MAGED1: variants seen among roughly 807,000 people sequenced by gnomAD.
MAGED1 encodes MAGE family member D1.
MAGED1 carries 3 observed loss-of-function variants against 54.1 expected under a neutral mutation model. The ratio of observed to expected loss-of-function variants is 0.06; its 90% CI spans 0.03 to 0.14. The LOEUF is 0.14. Ranked by LOEUF, MAGED1 falls within the 10% of genes least tolerant of loss-of-function variation. MAGED1 has a pLI of 1.00. For missense variants in MAGED1, 485 were observed against 623.4 expected, an observed-to-expected ratio of 0.78 and a Z score of 2.36; for synonymous variants, 217 against 227.3, an observed-to-expected ratio of 0.95 and a Z score of 0.41.
intron 1 of MAGED1, among the ~76,000 whole-genome samples, chrX:51,873,536 A>T (rs12851192): frequency 5.9e-4 from 49 of 83,735 alleles, no homozygotes; most frequent in South Asian, 1.1e-3. Context: ...TGTGTGTGTG[A>T]GAGAGAGAGA....
At chrX:51,844,986 C>T (rs1020004449) in intron 1 of MAGED1, among the ~76,000 whole-genome samples, 9 of 111,410 alleles carry the variant, frequency 8.1e-5, no homozygotes, top group Non-Finnish European at 1.5e-4. Context: ...GTAATCCCAG[C>T]GCTTTGGGAG....
intron 1 of MAGED1, among the ~76,000 whole-genome samples, chrX:51,854,877 A>T (rs1557360066): frequency 1.8e-5 from 2 of 110,970 alleles, no homozygotes; most frequent in Non-Finnish European, 3.8e-5. Flanking sequence ...TCTCCTGAAG[A>T]TCTCTTACCG....
chrX:51,898,725 G>A, intron 10 of MAGED1, 82 bp downstream of exon 10: 1 of 895,802 alleles, frequency 1.1e-6, no homozygotes, highest in Non-Finnish European at 1.5e-6. Context: ...CTTCCTGGCT[G>A]GATACAATGG....
intron 1 of MAGED1, among the ~76,000 whole-genome samples, chrX:51,805,809 G>GTCCATCCA (rs1399476104): frequency 7.0e-4 from 76 of 108,405 alleles, no homozygotes; most frequent in African/African-American, 2.5e-3. Context: ...CCGTCCATCC[G>GTCCATCCA]TCCATCCATC....
upstream of MAGED1, among the ~76,000 whole-genome samples, chrX:51,890,751 A>T (rs933926556): frequency 9.1e-6 from 1 of 109,705 alleles, no homozygotes; most frequent in African/African-American, 3.3e-5. Flanking sequence ...ATTAATGTAT[A>T]AAAATGTGTT....
chrX:51,807,352 C>G (rs1925069215), intron 1 of MAGED1, among the ~76,000 whole-genome samples: 1 of 111,193 alleles, frequency 9.0e-6, no homozygotes, highest in Admixed American at 9.6e-5. Context: ...AATGCTTTGT[C>G]AGATATATGT....
chrX:51,841,624 G>T (rs1303506790), intron 1 of MAGED1, among the ~76,000 whole-genome samples: 7 of 106,908 alleles, frequency 6.5e-5, no homozygotes, highest in Admixed American at 1.0e-4. Context: ...AAGGTGTAAG[G>T]AAGGGATCCA....
intron 1 of MAGED1, among the ~76,000 whole-genome samples, chrX:51,818,927 A>T (rs1324444759): frequency 8.9e-6 from 1 of 112,333 alleles, no homozygotes; most frequent in Non-Finnish European, 1.9e-5. Context: ...ATTGATAGTG[A>T]TGAAGGCACT....
chrX:51,854,427 G>A (rs782458867), intron 1 of MAGED1, among the ~76,000 whole-genome samples: 14 of 111,833 alleles, frequency 1.3e-4, no homozygotes, highest in Non-Finnish European at 2.1e-4. Context: ...AGGGGTTAGA[G>A]AACTTACAGT....
chrX:51,874,736 A>T (rs782430954), intron 1 of MAGED1, among the ~76,000 whole-genome samples: 1 of 110,933 alleles, frequency 9.0e-6, no homozygotes, highest in African/African-American at 3.3e-5. Flanking sequence ...TAATTATAAC[A>T]TCTATTAAAT....
At position 51,897,734 on chromosome X, in the gene MAGED1, T is replaced by G. The variant is rs1037631006; in HGVS notation, c.1567-61T>G. The G allele has an allele frequency of 1.1e-4, 114 of 1,051,431 alleles. No individual in the cohort carries two copies. The African/African-American group carries it at 1.8e-3, about 17-fold the overall frequency. The allele number at this position is 1,051,431 out of a possible 1,213,427, so 86.6% of individuals were successfully genotyped here. A position where few individuals can be genotyped will look rare whatever the true frequency, so the allele number is the denominator to read the frequency against. On this transcript the variant is annotated intron_variant, in intron 6 of 12. Transcript: ENST00000326587. ...GGCAAGTCTCAGGGAGATGAGTGTC[T>G]GCCTATGGGTAGCTTATGCTAGATG... is the stretch of plus-strand genomic sequence containing the variant.
Position 51,896,613 on chromosome X carries a change from C to G in MAGED1, c.958C>G (p.Arg320Gly). The change falls in exon 4 of 13, where the codon CGT (arginine) becomes GGT (glycine). Residue 320 changes from arginine (R) to glycine (G), a missense_variant. Around this residue, in one of 2 missense-constraint regions of MAGED1, gnomAD observed 299 missense variants for 293.1 expected, o/e 1.02. Coordinates refer to ENST00000326587, the MANE Select transcript of MAGED1 (RefSeq NM_006986.4). Reference protein sequence around the residue: ...NQTARQTPPARQSPPARQTPP... With the variant: ...NQTARQTPPAGQSPPARQTPP... ...GACAGCCAGGCAGACCCCACCAGCA[C>G]GTCAGAGCCCTCCAGCTAGGCAGAC... The G allele has an allele frequency of 8.3e-7, 1 of 1,211,594 alleles. No homozygotes were observed. The highest frequency in any genetic ancestry group is 3.0e-5 in the East Asian group (1 of 33,835).
intron 1 of MAGED1, among the ~76,000 whole-genome samples, chrX:51,833,763 G>A (rs1385396655): frequency 2.7e-5 from 3 of 111,649 alleles, no homozygotes; most frequent in Non-Finnish European, 5.6e-5. Flanking sequence ...ATAAAATCAC[G>A]AAATATTAAA....
In MAGED1 at chrX:51,814,179, T is replaced by C. The variant is rs144084326; in HGVS notation, c.-37+11062T>C. On this transcript the variant is annotated intron_variant, in intron 1 of 12. Coordinates refer to the MAGED1 transcript ENST00000375772. ...GAGAAAAGAGAAAAGAAACAGCTAT[T>C]ATGTGGCTTGCTGGGGTCTGGACTT... Among the ~76,000 whole-genome samples, 1,112 of 111,506 alleles carry C rather than the reference T, an allele frequency of 1.0e-2. 3 individuals are homozygous for C. Among genetic ancestry groups the C allele is most frequent in the Non-Finnish European group, 0.013 (688 of 53,110 alleles).
At chrX:51,817,939 T>G (rs1557356216) in intron 1 of MAGED1, among the ~76,000 whole-genome samples, 1 of 112,238 alleles carries the variant, frequency 8.9e-6, no homozygotes, top group Non-Finnish European at 1.9e-5. Context: ...TTTATAAATT[T>G]TATTGAAGCC....
At chrX:51,847,877 G>A (rs781884574) in intron 1 of MAGED1, among the ~76,000 whole-genome samples, 14 of 112,101 alleles carry the variant, frequency 1.2e-4, no homozygotes, top group Non-Finnish European at 2.6e-4. Flanking sequence ...ATGCTGAAAT[G>A]AGCATTCTTG....
At position 51,833,358 on chromosome X, in the gene MAGED1, A is replaced by G. The variant is rs976258720; in HGVS notation, c.-37+30241A>G. ...CACACACATACATTTAGTTTTTTCT[A>G]TATTTCTCAAATGTGAGGTACCTTT... On this transcript the variant is annotated intron_variant, in intron 1 of 12. Transcript: ENST00000375772. Among the ~76,000 whole-genome samples the G allele has an allele frequency of 8.2e-5, 9 of 110,160 alleles. No individual in the cohort carries two copies. The East Asian group carries it at 1.4e-3, about 17-fold the overall frequency.
At chrX:51,878,557 T>A (rs1927953667) in intron 1 of MAGED1, among the ~76,000 whole-genome samples, 1 of 111,226 alleles carries the variant, frequency 9.0e-6, no homozygotes, top group South Asian at 3.8e-4. Context: ...AAGATGTCAC[T>A]TTGCCTGCTC....
At chrX:51,809,469 T>C (rs1385812388) in intron 1 of MAGED1, among the ~76,000 whole-genome samples, 1 of 111,857 alleles carries the variant, frequency 8.9e-6, no homozygotes, top group Non-Finnish European at 1.9e-5. Context: ...ACTACGTCAT[T>C]AGTTCTATAG....
Sources: allele counts gnomAD v4.1 joint callset (sites outside exome capture counted in the v4.1 genomes callset), GRCh38; gene constraint gnomAD v4.1.1; regional missense constraint gnomAD v4.1.1; transcripts MANE v1.5; gene names NCBI Gene and HGNC (gene_info 2026-07-23, HGNC 2026-07-21).